SLC1A3: variants seen among roughly 807,000 people sequenced by gnomAD.
SLC1A3 encodes the protein solute carrier family 1 member 3, also known as excitatory amino acid transporter 1.
In SLC1A3, 21 loss-of-function variants were observed where a neutral mutation model predicts 48.1. The observed-to-expected ratio is 0.44, with a 90% confidence interval of 0.31 to 0.63. The LOEUF is 0.63. SLC1A3 is among the 20% of genes least tolerant of loss of function. The probability of loss-of-function intolerance (pLI) is 0.08; values close to 1 mark genes in which losing one functional copy is unlikely to be tolerated. For missense variants in SLC1A3, 546 were observed against 689.0 expected (o/e 0.79, Z 2.32); for synonymous variants, 239 against 251.4 (o/e 0.95, Z 0.47).
intron 2 of SLC1A3, among the ~76,000 whole-genome samples, chr5:36,609,949 A>T (rs1739125603): frequency 6.6e-6 from 1 of 152,214 alleles, no homozygotes; most frequent in South Asian, 2.1e-4. Context: ...AATAATTGCA[A>T]ACATTTATAT....
chr5:36,682,885 C>A (rs915715031), intron 8 of SLC1A3, among the ~76,000 whole-genome samples: 7 of 152,152 alleles, frequency 4.6e-5, no homozygotes, highest in African/African-American at 1.2e-4. Context: ...AGAAGGGGAC[C>A]AGTATGGGGA....
At chr5:36,625,485 A>G (rs1386025816) in intron 2 of SLC1A3, among the ~76,000 whole-genome samples, 3 of 152,188 alleles carry the variant, frequency 2.0e-5, no homozygotes, top group Non-Finnish European at 4.4e-5. Context: ...TAAAATAGAT[A>G]CAATAATATC....
At position 36,679,865 on chromosome 5, in the gene SLC1A3, GTA is replaced by G. The variant is rs1340752904; in HGVS notation, c.1094+7_1094+8del. 3.3e-5 allele frequency: 52 copies of G among 1,594,736 alleles called. No individual in the cohort carries two copies. Among genetic ancestry groups the G allele is most frequent in the Non-Finnish European group, 4.3e-5 (50 of 1,162,572 alleles). ...CGCTCTGGGGACCTCTTCAAGGTAT[GTA>G]TGTATGTGTGGAAAATGAGTCTGAA... On this transcript the variant is annotated splice_donor_region_variant and intron_variant, in intron 7 of 9. Transcript: ENST00000265113.
At chr5:36,676,150 A>C (rs1742198280) in intron 5 of SLC1A3, among the ~76,000 whole-genome samples, 1 of 152,220 alleles carries the variant, frequency 6.6e-6, no homozygotes, top group South Asian at 2.1e-4. Context: ...TGTCATCACC[A>C]ACTATTAATC....
At chr5:36,612,476 T>C (rs1367922547) in intron 2 of SLC1A3, among the ~76,000 whole-genome samples, 2 of 151,932 alleles carry the variant, frequency 1.3e-5, no homozygotes, top group Non-Finnish European at 2.9e-5. Context: ...TCCCAGCTAC[T>C]TGGGGGGGCT....
Position 36,633,477 on chromosome 5 carries a change from A to G in SLC1A3, c.319+3890A>G, listed in dbSNP as rs1179593790. Among the ~76,000 whole-genome samples the G allele has an allele frequency of 2.6e-5, 4 of 152,212 alleles. No homozygotes were observed. The South Asian group carries it at 6.2e-4, about 24-fold the overall frequency. ...GATTATCAAGTAGATGAAATTTCTC[A>G]TTTAACATTCATTCATTCTTTAACA... On this transcript the variant is annotated intron_variant, in intron 3 of 9. Coordinates refer to ENST00000265113, the MANE Select transcript of SLC1A3 (RefSeq NM_004172.5).
intron 3 of SLC1A3, among the ~76,000 whole-genome samples, chr5:36,643,824 C>A (rs1264859318): frequency 6.6e-6 from 1 of 151,962 alleles, no homozygotes; most frequent in Non-Finnish European, 1.5e-5. Context: ...AAAACCAAGT[C>A]TCTACTAAAG....
intron 3 of SLC1A3, chr5:36,668,091 A>C (rs1234137357): frequency 6.6e-6 from 1 of 152,222 alleles, no homozygotes; most frequent in East Asian, 1.9e-4. Flanking sequence ...GATAAGGCTC[A>C]ATGTAAACTT....
At chr5:36,669,187 G>T (rs372063164) in intron 3 of SLC1A3, 7 of 152,232 alleles carry the variant, frequency 4.6e-5, no homozygotes, top group African/African-American at 1.7e-4. Flanking sequence ...GGCACTCATG[G>T]GAAAGAGAGT....
intron 3 of SLC1A3, chr5:36,629,950 C>G (rs1740073956): frequency 3.0e-6 from 1 of 332,350 alleles, no homozygotes. Context: ...CAGATAACAT[C>G]TGGTTGGACA....
At position 36,636,600 on chromosome 5, in the gene SLC1A3, CTTTT is replaced by C. The variant is rs11292001; in HGVS notation, c.319+7026_319+7029del. 3.0e-4 allele frequency among the ~76,000 whole-genome samples: 32 copies of C among 107,744 alleles called. No individual in the cohort carries two copies. The East Asian group carries it at 6.8e-3, about 23-fold the overall frequency. 70.7% of individuals were successfully genotyped at this position (107,744 alleles called of 152,430 possible). On this transcript the variant is annotated intron_variant, in intron 3 of 9. Coordinates refer to ENST00000265113, the MANE Select transcript of SLC1A3 (RefSeq NM_004172.5). ...CTTTCTTTTTCTTCCTTTCTTCTTT[CTTTT>C]TTTTTTTTTTTTGCCCTGAATTGTT...
intron 2 of SLC1A3, among the ~76,000 whole-genome samples, chr5:36,616,377 A>G (rs192243507): frequency 3.3e-5 from 5 of 152,244 alleles, no homozygotes; most frequent in Non-Finnish European, 5.9e-5. Context: ...TATACCCTGG[A>G]TAAGTTAAGG....
At chr5:36,671,996 C>A (rs944763114) in intron 4 of SLC1A3, among the ~76,000 whole-genome samples, 3 of 152,150 alleles carry the variant, frequency 2.0e-5, no homozygotes, top group Admixed American at 6.6e-5. Flanking sequence ...TCTAAAGGAA[C>A]CTTGAAGAAG....
At chr5:36,636,978 T>C (rs1376777153) in intron 3 of SLC1A3, among the ~76,000 whole-genome samples, 2 of 152,170 alleles carry the variant, frequency 1.3e-5, no homozygotes, top group Non-Finnish European at 2.9e-5. Context: ...TTGGTCCTAA[T>C]TGTGTTATTT....
rs548803688 is a variant in SLC1A3, at chr5:36,687,487, T to C, written c.*1218T>C. On this transcript the variant is annotated 3_prime_UTR_variant, in exon 10 of 10. Coordinates refer to ENST00000265113, the MANE Select transcript of SLC1A3 (RefSeq NM_004172.5). Reference sequence around the variant, plus strand: ...AATCATTCCCCCCGTGAAGTCTGCTTACCAAAACATAAGACGACTTATATA... The same window carrying C: ...AATCATTCCCCCCGTGAAGTCTGCTCACCAAAACATAAGACGACTTATATA... The C allele has an allele frequency of 1.3e-5, 2 of 152,322 alleles. No individual in the cohort carries two copies. The highest frequency in any genetic ancestry group is 4.8e-5 in the African/African-American group (2 of 41,568). 9.4% of individuals were successfully genotyped at this position (152,322 alleles called of 1,614,324 possible).
At chr5:36,620,825 T>C (rs1421323215) in intron 2 of SLC1A3, among the ~76,000 whole-genome samples, 1 of 151,496 alleles carries the variant, frequency 6.6e-6, no homozygotes, top group Non-Finnish European at 1.5e-5. Flanking sequence ...TGGAAGGTGA[T>C]AGGAACTATT....
At chr5:36,674,187 A>G in intron 5 of SLC1A3, 96 bp downstream of exon 5, 1 of 966,266 alleles carries the variant, frequency 1.0e-6, no homozygotes, top group Non-Finnish European at 1.7e-6. Flanking sequence ...TCTCTGCTAT[A>G]AGAAACACTT....
At chr5:36,652,053 TAAAC>T (rs1741100638) in intron 3 of SLC1A3, among the ~76,000 whole-genome samples, 1 of 152,192 alleles carries the variant, frequency 6.6e-6, no homozygotes, top group Non-Finnish European at 1.5e-5. Flanking sequence ...TTTATCTTTT[TAAAC>T]AGGCAAAGAG....
At chr5:36,678,316 C>G (rs1166724213) in intron 6 of SLC1A3, among the ~76,000 whole-genome samples, 1 of 152,194 alleles carries the variant, frequency 6.6e-6, no homozygotes, top group Non-Finnish European at 1.5e-5. Context: ...CAGGAGCCCC[C>G]ACTTGGAAGG....
Sources: gnomAD v4.1 joint callset for allele counts (sites outside exome capture counted in the v4.1 genomes callset) on GRCh38, gnomAD v4.1.1 for gene constraint, MANE v1.5 for transcripts, NCBI Gene and HGNC (gene_info 2026-07-23, HGNC 2026-07-21) for gene names.